The following RASSF5 variants were observed in gnomAD, a reference collection of about 807,000 sequenced individuals.
RASSF5 encodes the protein Ras association domain family member 5.
A neutral mutation model predicts 40.5 loss-of-function variants in RASSF5; 25 were observed. That is an observed-to-expected ratio of 0.62 (90% CI 0.45 to 0.86). The LOEUF is 0.86. Ranked by LOEUF, RASSF5 falls within the 40% of genes least tolerant of loss-of-function variation. RASSF5 has a pLI of 0.00. For missense variants in RASSF5, 521 were observed against 572.8 expected, an observed-to-expected ratio of 0.91 and a Z score of 0.92; for synonymous variants, 246 against 252.4, an observed-to-expected ratio of 0.97 and a Z score of 0.24.
At chr1:206,527,349 C>T (rs1186282604) in intron 1 of RASSF5, among the ~76,000 whole-genome samples, 2 of 152,120 alleles carry the variant, frequency 1.3e-5, no homozygotes, top group Non-Finnish European at 2.9e-5. Context: ...TTTGCAGAGG[C>T]TGGGCCTCTT....
In RASSF5 at chr1:206,584,400, C is replaced by T. The variant is rs782573550; in HGVS notation, c.704C>T (p.Thr235Ile). 1.2e-6 allele frequency: 2 copies of T among 1,612,726 alleles called. No homozygotes were observed. Among genetic ancestry groups the T allele is most frequent in the East Asian group, 2.2e-5 (1 of 44,882 alleles). Residue 235 changes from threonine (T) to isoleucine (I), a missense_variant, in exon 4 of 6, where the codon ACC (threonine) becomes ATC (isoleucine). Transcript: ENST00000579436. This position sits in a 1 kb window ranked among gnomAD's most constrained non-coding sequence, Gnocchi z 4.9. ...CLGMKLSEDG[T>I]YTGFIKVHLK... ...CCCCGCTGGCAGAGTGAAGACGGCA[C>T]CTACACGGGTTTCATCAAAGTGCAT...
At chr1:206,525,798 CA>C (rs1312754072) in intron 1 of RASSF5, among the ~76,000 whole-genome samples, 1 of 152,190 alleles carries the variant, frequency 6.6e-6, no homozygotes, top group Non-Finnish European at 1.5e-5. Context: ...AACAACTGAG[CA>C]GATCTTATGC....
chr1:206,583,437 C>A, intron 3 of RASSF5, 58 bp downstream of exon 3: 1 of 1,158,336 alleles, frequency 8.6e-7, no homozygotes, highest in Non-Finnish European at 1.3e-6. Flanking sequence ...TCGGGTTTGG[C>A]GCCTCTGCCC....
intron 2 of RASSF5, among the ~76,000 whole-genome samples, chr1:206,574,738 G>A (rs569123158): frequency 6.6e-6 from 1 of 152,226 alleles, no homozygotes; most frequent in Admixed American, 6.5e-5. Flanking sequence ...TGGTGGGTCT[G>A]TGGAGTCCAT....
intron 1 of RASSF5, among the ~76,000 whole-genome samples, chr1:206,530,384 A>G (rs564471714): frequency 6.6e-6 from 1 of 152,308 alleles, no homozygotes; most frequent in East Asian, 1.9e-4. Flanking sequence ...CCATTTCAAA[A>G]TATAATTATA....
chr1:206,524,229 AC>A (rs1386563255), intron 1 of RASSF5, among the ~76,000 whole-genome samples: 19 of 139,016 alleles, frequency 1.4e-4, no homozygotes, highest in African/African-American at 4.2e-4. Flanking sequence ...TAATATAGAT[AC>A]CATATGTAAT....
At chr1:206,543,555 G>T (rs916003515) in intron 2 of RASSF5, 1 of 109,196 alleles carries the variant, frequency 9.2e-6, no homozygotes, top group Admixed American at 9.5e-5. Context: ...ATATATACAC[G>T]TGTGTGTGTA....
intron 1 of RASSF5, among the ~76,000 whole-genome samples, chr1:206,533,726 A>G (rs1553398248): frequency 6.6e-6 from 1 of 152,060 alleles, no homozygotes; most frequent in African/African-American, 2.4e-5. Context: ...CTGTACTCCA[A>G]CCTGGGTGAG....
At chr1:206,553,142 C>A (rs1346414629) in intron 2 of RASSF5, among the ~76,000 whole-genome samples, 4 of 152,028 alleles carry the variant, frequency 2.6e-5, no homozygotes, top group Non-Finnish European at 5.9e-5. Context: ...GTGGAGCTTG[C>A]AGTGAGATGA....
At position 206,535,382 on chromosome 1, in the gene RASSF5, T is replaced by G. The variant is rs782538975; in HGVS notation, c.458-2790T>G. The stretch of plus-strand genomic sequence containing the variant: ...GTCTAGTGGAATGTGGCTCTGTCTT[T>G]GGAATCTCATGGGTCTCCCCAATCC... On this transcript the variant is annotated intron_variant, in intron 1 of 5. Transcript: ENST00000579436. The surrounding 1 kb of genome is among the most constrained non-coding windows in gnomAD (Gnocchi z 5.0). 1.2e-4 allele frequency among the ~76,000 whole-genome samples: 19 copies of G among 152,274 alleles called. No individual in the cohort carries two copies. Among genetic ancestry groups the G allele is most frequent in the Non-Finnish European group, 2.4e-4 (16 of 68,026 alleles).
At position 206,560,718 on chromosome 1, in the gene RASSF5, G is replaced by C. The variant is rs1668114967; in HGVS notation, c.579+22425G>C. ...AGATGGTCTCAGTAAGACCATCATAGTTACCTCAATCTAAGGTGTTGCCTA... is the reference window on the plus strand; with the variant it reads ...AGATGGTCTCAGTAAGACCATCATACTTACCTCAATCTAAGGTGTTGCCTA... On this transcript the variant is annotated intron_variant, in intron 2 of 5. Transcript: ENST00000579436. The surrounding 1 kb of genome is among the most constrained non-coding windows in gnomAD (Gnocchi z 5.1). 6.6e-6 allele frequency among the ~76,000 whole-genome samples: 1 copy of C among 152,212 alleles called. No homozygotes were observed. The highest frequency in any genetic ancestry group is 1.5e-5 in the Non-Finnish European group (1 of 68,044).
At chr1:206,551,867 C>T (rs782438370) in intron 2 of RASSF5, among the ~76,000 whole-genome samples, 2 of 152,224 alleles carry the variant, frequency 1.3e-5, no homozygotes, top group Non-Finnish European at 2.9e-5. Context: ...ACCCTGGTGA[C>T]CATGCTGCCC....
intron 1 of RASSF5, among the ~76,000 whole-genome samples, chr1:206,537,565 G>C (rs544257028): frequency 2.0e-5 from 3 of 152,190 alleles, no homozygotes; most frequent in Admixed American, 2.0e-4. Context: ...TTCTGATTTT[G>C]GACTTTTTTC....
chr1:206,572,848 A>G (rs1280727845), intron 2 of RASSF5: 1 of 152,210 alleles, frequency 6.6e-6, no homozygotes, highest in Non-Finnish European at 1.5e-5. Context: ...CCTTGGCCCC[A>G]AAGACAAAAG....
rs1396040845 is a variant in RASSF5 at position 206,589,185 on chromosome 1, TGTAA to T, written c.*2210_*2213del. The T allele has an allele frequency of 1.3e-5, 2 of 152,768 alleles. No homozygotes were observed. The highest frequency in any genetic ancestry group is 1.5e-5 in the Non-Finnish European group (1 of 68,030). The allele number at this position is 152,768 out of a possible 1,614,324, so 9.5% of individuals were successfully genotyped here. On this transcript the variant is annotated 3_prime_UTR_variant, in exon 6 of 6. Coordinates refer to ENST00000579436, the MANE Select transcript of RASSF5 (RefSeq NM_182663.4). ...CCTTCTTTGGTTGTGTTGCTCAGTG[TGTAA>T]GTGTTTGTTTCCAGGATATTTTCTT...
chr1:206,557,618 C>T (rs781931729), intron 2 of RASSF5: 13 of 1,614,210 alleles, frequency 8.1e-6, no homozygotes, highest in Non-Finnish European at 1.1e-5. Flanking sequence ...GCAGCCTGGA[C>T]GAGGAACTGG....
chr1:206,510,139 G>A (rs1666578798), intron 1 of RASSF5, among the ~76,000 whole-genome samples: 1 of 152,192 alleles, frequency 6.6e-6, no homozygotes, highest in Non-Finnish European at 1.5e-5. Flanking sequence ...GCTGGCAGGT[G>A]GAGACACAGC....
intron 2 of RASSF5, among the ~76,000 whole-genome samples, chr1:206,547,783 TA>T (rs1553400462): frequency 2.6e-5 from 4 of 152,202 alleles, no homozygotes; most frequent in Admixed American, 2.0e-4. Context: ...CTATTTTATT[TA>T]AATGGCCAAT....
At chr1:206,559,582 GTGTCT>G (rs1558512669) in intron 2 of RASSF5, among the ~76,000 whole-genome samples, 1 of 152,144 alleles carries the variant, frequency 6.6e-6, no homozygotes, top group African/African-American at 2.4e-5. Context: ...CCTGTACTTT[GTGTCT>G]TGAATCCACC....
Sources: gnomAD v4.1 joint callset for allele counts (sites outside exome capture counted in the v4.1 genomes callset) on GRCh38, gnomAD v4.1.1 for gene constraint, Gnocchi (gnomAD v3.1) non-coding constraint, MANE v1.5 for transcripts, NCBI Gene and HGNC (gene_info 2026-07-23, HGNC 2026-07-21) for gene names.